The following DENND1A variants were observed in gnomAD, a reference collection of about 807,000 sequenced individuals.
DENND1A encodes DENN domain containing 1A.
DENND1A carries 51 observed loss-of-function variants against 113.7 expected under a neutral mutation model. The ratio of observed to expected loss-of-function variants is 0.45; its 90% confidence interval spans 0.36 to 0.57. The LOEUF (loss-of-function observed/expected upper bound fraction) is 0.57. DENND1A is among the 20% of genes least tolerant of loss of function. The probability of loss-of-function intolerance (pLI) is 0.00; values close to 1 mark genes in which losing one functional copy is unlikely to be tolerated. For synonymous variants in DENND1A, 565 were observed against 570.8 expected, an observed-to-expected ratio of 0.99 and a Z score of 0.14; for missense variants, 1,258 against 1,395.9, an observed-to-expected ratio of 0.90 and a Z score of 1.57.
intron 1 of DENND1A, among the ~76,000 whole-genome samples, chr9:123,880,760 C>T (rs1473056917): frequency 6.6e-6 from 1 of 152,176 alleles, no homozygotes; most frequent in Non-Finnish European, 1.5e-5. Context: ...GACCAGAACT[C>T]ATGCCTCCTG....
chr9:123,577,704 A>G (rs2058700160), intron 12 of DENND1A, among the ~76,000 whole-genome samples: 1 of 150,730 alleles, frequency 6.6e-6, no homozygotes, highest in Non-Finnish European at 1.5e-5. Flanking sequence ...CTTTTCATCG[A>G]AGTTTAACAT....
chr9:123,487,789 C>A (rs2564365), intron 13 of DENND1A, among the ~76,000 whole-genome samples: 86,053 of 152,134 alleles, frequency 0.57, 26,669 homozygotes, highest in East Asian at 0.76. Flanking sequence ...ATGTAAGTAC[C>A]AAGCATGCTG....
At chr9:123,584,146 A>T (rs2059052043) in intron 11 of DENND1A, among the ~76,000 whole-genome samples, 1 of 152,222 alleles carries the variant, frequency 6.6e-6, no homozygotes, top group Non-Finnish European at 1.5e-5. Flanking sequence ...TCACGTATCA[A>T]GCGTATTCCT....
At chr9:123,511,818 G>A (rs1328029323) in intron 13 of DENND1A, among the ~76,000 whole-genome samples, 1 of 152,238 alleles carries the variant, frequency 6.6e-6, no homozygotes, top group Non-Finnish European at 1.5e-5. Context: ...AGGAGAGACA[G>A]AAGAGCTGCA....
chr9:123,788,858 A>G (rs1443726056), intron 3 of DENND1A, among the ~76,000 whole-genome samples: 1 of 152,156 alleles, frequency 6.6e-6, no homozygotes, highest in Non-Finnish European at 1.5e-5. Flanking sequence ...AAGACATTTT[A>G]GACTACGTCA....
chr9:123,751,035 C>A (rs2069980903), intron 5 of DENND1A: 1 of 152,110 alleles, frequency 6.6e-6, no homozygotes, highest in Non-Finnish European at 1.5e-5. Context: ...AGCTAACACA[C>A]AACCCAAAAG....
chr9:123,849,946 C>T (rs943138178), intron 2 of DENND1A, among the ~76,000 whole-genome samples: 1 of 152,170 alleles, frequency 6.6e-6, no homozygotes, highest in Non-Finnish European at 1.5e-5. Context: ...TGAATTGCTG[C>T]GATCTCATGA....
chr9:123,646,887 G>C (rs745967313), intron 9 of DENND1A, among the ~76,000 whole-genome samples: 1 of 152,116 alleles, frequency 6.6e-6, no homozygotes, highest in Non-Finnish European at 1.5e-5. Context: ...GGAATGCAGA[G>C]TCCAGGAGTA....
At chr9:123,409,679 G>A (rs1205627980) in intron 20 of DENND1A, among the ~76,000 whole-genome samples, 1 of 152,036 alleles carries the variant, frequency 6.6e-6, no homozygotes, top group African/African-American at 2.4e-5. Context: ...CGACTGTGAG[G>A]CGCAGCTGGG....
At chr9:123,666,633 A>G (rs1283050171) in intron 8 of DENND1A, among the ~76,000 whole-genome samples, 1 of 152,236 alleles carries the variant, frequency 6.6e-6, no homozygotes, top group Non-Finnish European at 1.5e-5. Flanking sequence ...AGAATGGCTA[A>G]ACTACAGAGT....
At chr9:123,655,580 A>G (rs1243660111) in intron 8 of DENND1A, among the ~76,000 whole-genome samples, 1 of 152,214 alleles carries the variant, frequency 6.6e-6, no homozygotes. Context: ...TTTTCATGGT[A>G]GCTGTGGCTA....
chr9:123,811,036 G>C (rs1836508123), intron 2 of DENND1A, among the ~76,000 whole-genome samples: 1 of 152,166 alleles, frequency 6.6e-6, no homozygotes, highest in Non-Finnish European at 1.5e-5. Flanking sequence ...CGGGATTACA[G>C]GTGTGAGCCA....
At chr9:123,827,320 G>A (rs1839485917) in intron 2 of DENND1A, among the ~76,000 whole-genome samples, 1 of 151,090 alleles carries the variant, frequency 6.6e-6, no homozygotes, top group Admixed American at 6.6e-5. Context: ...AGAAGAACTA[G>A]AATAAGATTA....
intron 5 of DENND1A, among the ~76,000 whole-genome samples, chr9:123,735,281 G>C (rs959664378): frequency 2.6e-5 from 4 of 152,172 alleles, no homozygotes; most frequent in African/African-American, 9.7e-5. Context: ...CTATATATCA[G>C]ACACTCTGCT....
chr9:123,578,244 C>T (rs2136560477), intron 12 of DENND1A, among the ~76,000 whole-genome samples: 1 of 152,336 alleles, frequency 6.6e-6, no homozygotes, highest in South Asian at 2.1e-4. Flanking sequence ...TACCAATATC[C>T]AGAAAATGCC....
intron 13 of DENND1A, among the ~76,000 whole-genome samples, chr9:123,520,520 A>G (rs1476277446): frequency 6.6e-6 from 1 of 152,206 alleles, no homozygotes; most frequent in East Asian, 1.9e-4. Context: ...CAGGTGAAAT[A>G]GCAGCCACCC....
At chr9:123,509,416 C>T (rs753301392) in intron 13 of DENND1A, among the ~76,000 whole-genome samples, 22 of 152,128 alleles carry the variant, frequency 1.4e-4, no homozygotes, top group African/African-American at 4.6e-4. Context: ...CTGTAAAGAG[C>T]GAGGAGAAAT....
At chr9:123,386,991 A>G (rs1191034138) in intron 22 of DENND1A, among the ~76,000 whole-genome samples, 1 of 152,256 alleles carries the variant, frequency 6.6e-6, no homozygotes, top group Non-Finnish European at 1.5e-5. Context: ...TGTGGGCACC[A>G]CGGGCATCCC....
At chr9:123,382,661 G>A (rs774375326) in intron 23 of DENND1A, 36 bp from the exon 24 acceptor site, 81 of 1,605,076 alleles carry the variant, frequency 5.0e-5, no homozygotes, top group Middle Eastern at 3.4e-4. Flanking sequence ...GTGACCACGG[G>A]CTGAGTTGGG....
Sources: allele counts gnomAD v4.1 joint callset (sites outside exome capture counted in the v4.1 genomes callset), GRCh38; gene constraint gnomAD v4.1.1; transcripts MANE v1.5; gene names NCBI Gene and HGNC (gene_info 2026-07-23, HGNC 2026-07-21).